Variants in COPG2 observed in about 807,000 individuals in gnomAD.
COPG2 encodes the protein coatomer subunit gamma-2.
COPG2 carries 37 observed loss-of-function variants against 46.3 expected under a neutral mutation model. The observed-to-expected ratio is 0.80, with a 90% CI of 0.61 to 1.05. The LOEUF is 1.05. Ranked by LOEUF, COPG2 falls within the 50% of genes least tolerant of loss-of-function variation. The pLI, the probability that COPG2 is intolerant of heterozygous loss-of-function variation, is 0.00. For missense variants in COPG2, 427 were observed against 387.8 expected, an observed-to-expected ratio of 1.10 and a Z score of -0.85; for synonymous variants, 159 against 129.7, an observed-to-expected ratio of 1.23 and a Z score of -1.53.
At chr7:130,624,181 C>T (rs1795080847) in intron 5 of COPG2, among the ~76,000 whole-genome samples, 1 of 152,246 alleles carries the variant, frequency 6.6e-6, no homozygotes, top group Admixed American at 6.5e-5. Context: ...AATCTAATCA[C>T]CCCCAAAGGC....
intron 20 of COPG2, among the ~76,000 whole-genome samples, chr7:130,513,308 A>AAAAAAAATATATAT (rs1236511164): frequency 1.8e-5 from 1 of 55,686 alleles, no homozygotes; most frequent in Non-Finnish European, 2.9e-5. Context: ...AAAAAAAAAA[A>AAAAAAAATATATAT]ATATATATAT....
At chr7:130,584,180 C>T (rs1433924214) in intron 9 of COPG2, among the ~76,000 whole-genome samples, 1 of 151,934 alleles carries the variant, frequency 6.6e-6, no homozygotes, top group South Asian at 2.1e-4. Context: ...AAATGTGATA[C>T]ATCACATAAA....
intron 9 of COPG2, among the ~76,000 whole-genome samples, chr7:130,605,424 A>G (rs1214766837): frequency 6.6e-6 from 1 of 152,224 alleles, no homozygotes; most frequent in African/African-American, 2.4e-5. Flanking sequence ...GGTAGGTGCA[A>G]TCTAATCACA....
rs538301254 is a variant in COPG2 at position 130,660,750 on chromosome 7, A to G, written c.243+2217T>C. 6.6e-5 allele frequency among the ~76,000 whole-genome samples: 10 copies of G among 152,180 alleles called. No individual in the cohort carries two copies. In the South Asian group the frequency reaches 1.7e-3, roughly 25 times the overall value. The stretch of plus-strand genomic sequence containing the variant: ...GCCATCCTCCCTACAATGATCACCC[A>G]CTGCCACAGCCTATCAGTAACAGCA... On this transcript the variant is annotated intron_variant, in intron 4 of 23. Coordinates refer to ENST00000425248, the MANE Select transcript of COPG2 (RefSeq NM_012133.6).
intron 4 of COPG2, among the ~76,000 whole-genome samples, chr7:130,661,206 T>C (rs1214145440): frequency 6.6e-6 from 1 of 152,248 alleles, no homozygotes; most frequent in East Asian, 1.9e-4. Context: ...TAAACCTCTG[T>C]GCTACAGGCT....
At chr7:130,545,263 T>C (rs1222287255) in intron 20 of COPG2, among the ~76,000 whole-genome samples, 1 of 152,154 alleles carries the variant, frequency 6.6e-6, no homozygotes, top group Admixed American at 6.5e-5. Flanking sequence ...AGTCAGTATG[T>C]AGCAGGGCCA....
intron 9 of COPG2, among the ~76,000 whole-genome samples, chr7:130,583,896 G>A (rs1278492983): frequency 1.4e-5 from 2 of 148,142 alleles, no homozygotes; most frequent in Non-Finnish European, 3.0e-5. Flanking sequence ...AAGAAGAATT[G>A]GTACCAATCC....
At chr7:130,585,986 G>T (rs1584984679) in intron 9 of COPG2, among the ~76,000 whole-genome samples, 1 of 152,026 alleles carries the variant, frequency 6.6e-6, no homozygotes, top group African/African-American at 2.4e-5. Context: ...TCGAGGAAAA[G>T]AAGTCATTAT....
chr7:130,594,737 G>A (rs2116469556), intron 9 of COPG2, among the ~76,000 whole-genome samples: 1 of 152,248 alleles, frequency 6.6e-6, no homozygotes, highest in Non-Finnish European at 1.5e-5. Flanking sequence ...ATGGAGATTG[G>A]CAATAAACAC....
chr7:130,644,683 T>G (rs1369887327), intron 5 of COPG2, among the ~76,000 whole-genome samples: 1 of 152,206 alleles, frequency 6.6e-6, no homozygotes, highest in East Asian at 1.9e-4. Context: ...GACTTTTGCT[T>G]TCCTTTTACT....
chr7:130,614,151 T>C (rs1334768444), intron 6 of COPG2, among the ~76,000 whole-genome samples: 2 of 152,178 alleles, frequency 1.3e-5, no homozygotes, highest in Non-Finnish European at 2.9e-5. Context: ...CCTCTGGAAA[T>C]ACAGTTCTTT....
intron 7 of COPG2, 57 bp from the exon 8 acceptor site, chr7:130,612,295 A>C: frequency 2.8e-6 from 3 of 1,069,738 alleles, no homozygotes; most frequent in Non-Finnish European, 4.0e-6. Context: ...AGAAGCTTAG[A>C]AACATGAGTT....
At chr7:130,630,450 T>C (rs1795207574) in intron 5 of COPG2, among the ~76,000 whole-genome samples, 1 of 152,234 alleles carries the variant, frequency 6.6e-6, no homozygotes, top group South Asian at 2.1e-4. Flanking sequence ...TAGCTTTTGT[T>C]GGATTCCACA....
chr7:130,663,283 G>A (rs73158098), intron 3 of COPG2, among the ~76,000 whole-genome samples: 1,925 of 152,184 alleles, frequency 0.013, 27 homozygotes, highest in Middle Eastern at 0.078. Context: ...TTCTGGCATA[G>A]TGATCTCTAA....
At chr7:130,580,058 C>A (rs2116436196) in intron 9 of COPG2, among the ~76,000 whole-genome samples, 1 of 151,148 alleles carries the variant, frequency 6.6e-6, no homozygotes, top group East Asian at 1.9e-4. Flanking sequence ...TTCAGCACCA[C>A]ACCACACCTA....
In COPG2 at chr7:130,507,688, C is replaced by A; in HGVS notation, c.2383G>T (p.Glu795Ter). Residue 795 changes from glutamate to a stop codon, truncating the protein, a stop_gained, in exon 22 of 24, where the codon GAA (glutamate) becomes TAA (stop). Transcript: ENST00000425248. LOFTEE classifies it high-confidence loss of function. Reference protein sequence around the residue: ...TFALSSTKTLEEAVNNIITFL... With the variant: ...TFALSSTKTL ...CTGATAGCAAAATGGGTCTCACCTT[C>A]AAGGGTTTTGGTAGAACTGAGGGCA... 1.3e-6 allele frequency: 1 copy of A among 779,974 alleles called. No homozygotes were observed. The highest frequency in any genetic ancestry group is 2.4e-6 in the Non-Finnish European group (1 of 417,702). The allele number at this position is 779,974 out of a possible 1,614,324, so 48.3% of individuals were successfully genotyped here.
intron 4 of COPG2, among the ~76,000 whole-genome samples, chr7:130,657,611 G>A (rs1483771171): frequency 6.6e-6 from 1 of 152,104 alleles, no homozygotes; most frequent in African/African-American, 2.4e-5. Flanking sequence ...CATATACTGA[G>A]AGACAATAAT....
chr7:130,583,493 T>TA (rs782593413), intron 9 of COPG2, among the ~76,000 whole-genome samples: 1,726 of 34,398 alleles, frequency 0.05, 170 homozygotes, highest in African/African-American at 0.12. Flanking sequence ...ACATAAAGTA[T>TA]AAAAAAAAAA....
intron 9 of COPG2, among the ~76,000 whole-genome samples, chr7:130,573,593 C>A (rs1793948887): frequency 6.6e-6 from 1 of 152,020 alleles, no homozygotes; most frequent in African/African-American, 2.4e-5. Context: ...ACCACATAAT[C>A]ATCTTCACAG....
Sources: allele counts gnomAD v4.1 joint callset (sites outside exome capture counted in the v4.1 genomes callset), GRCh38; gene constraint gnomAD v4.1.1; transcripts MANE v1.5; gene names NCBI Gene and HGNC (gene_info 2026-07-23, HGNC 2026-07-21).